The following KALRN variants were observed in gnomAD, a reference collection of about 807,000 sequenced individuals.
The protein encoded by KALRN is kalirin.
In KALRN, 70 loss-of-function variants were observed where a neutral mutation model predicts 353.7. That is an observed-to-expected ratio of 0.20 (90% CI 0.16 to 0.24). KALRN has a LOEUF of 0.24. Among genes scored for constraint, KALRN ranks in the 10% least tolerant of loss-of-function variants. KALRN has a pLI of 1.00. For missense variants in KALRN, 2,791 were observed against 3,756.7 expected, an observed-to-expected ratio of 0.74 and a Z score of 6.72; for synonymous variants, 1,391 against 1,434.8, an observed-to-expected ratio of 0.97 and a Z score of 0.69.
intron 33 of KALRN, among the ~76,000 whole-genome samples, chr3:124,516,867 G>T (rs1448310951): frequency 6.6e-6 from 1 of 152,032 alleles, no homozygotes; most frequent in East Asian, 1.9e-4. Flanking sequence ...ACCCAGGCTG[G>T]AGTGCAGTGG....
intron 11 of KALRN, among the ~76,000 whole-genome samples, chr3:124,390,304 A>G (rs2150007329): frequency 6.6e-6 from 1 of 152,240 alleles, no homozygotes; most frequent in East Asian, 1.9e-4. Context: ...GTCAAGTTAA[A>G]TAAGGAACAT....
intron 18 of KALRN, among the ~76,000 whole-genome samples, chr3:124,441,445 T>C (rs1305294317): frequency 2.0e-5 from 3 of 152,150 alleles, no homozygotes; most frequent in Non-Finnish European, 2.9e-5. Context: ...GCTCCATAAA[T>C]TGGAATTGGA....
intron 34 of KALRN, among the ~76,000 whole-genome samples, chr3:124,587,819 C>T (rs972859714): frequency 1.3e-5 from 2 of 151,150 alleles, no homozygotes; most frequent in African/African-American, 2.4e-5. Flanking sequence ...CTCAGCCTCC[C>T]AAGTGGCTGG....
At chr3:124,478,060 A>T (rs780436888) in intron 27 of KALRN, among the ~76,000 whole-genome samples, 6 of 152,198 alleles carry the variant, frequency 3.9e-5, no homozygotes, top group Non-Finnish European at 7.3e-5. Flanking sequence ...AAATGGTGGG[A>T]TCTATAAAGC....
At chr3:124,452,800 T>G (rs1448814068) in intron 21 of KALRN, among the ~76,000 whole-genome samples, 3 of 152,212 alleles carry the variant, frequency 2.0e-5, no homozygotes, top group Non-Finnish European at 4.4e-5. Context: ...TCACAAACTA[T>G]TTGCTTTGCT....
At position 124,334,251 on chromosome 3, in the gene KALRN, T is replaced by G; in HGVS notation, c.1417-14T>G. On this transcript the variant is annotated splice_polypyrimidine_tract_variant and intron_variant, in intron 8 of 59. Transcript: ENST00000682506. The surrounding 1 kb of genome is among the most constrained non-coding windows in gnomAD (Gnocchi z 4.2). ...ACCCTTTTCCCTTAACTTAAACTTC[T>G]CTCTTTCCTGCAGGTCAGCCAGGAT... 2 of 1,611,480 alleles carry G rather than the reference T, an allele frequency of 1.2e-6. No homozygotes were observed. The highest frequency in any genetic ancestry group is 1.7e-6 in the Non-Finnish European group (2 of 1,177,594).
chr3:124,049,254 G>T (rs991348608), intron 1 of KALRN, among the ~76,000 whole-genome samples: 20 of 152,146 alleles, frequency 1.3e-4, no homozygotes, highest in Non-Finnish European at 8.8e-5. Context: ...ACTTTAGATT[G>T]TGTATGCAAA....
chr3:124,511,967 C>G (rs1309360027), intron 33 of KALRN, among the ~76,000 whole-genome samples: 1 of 152,160 alleles, frequency 6.6e-6, no homozygotes, highest in African/African-American at 2.4e-5. Flanking sequence ...TCACAAGATC[C>G]ATGAACACAG....
intron 5 of KALRN, among the ~76,000 whole-genome samples, chr3:124,274,806 C>G (rs150714381): frequency 6.6e-6 from 1 of 152,130 alleles, no homozygotes; most frequent in African/African-American, 2.4e-5. Flanking sequence ...CCGTGGCTGC[C>G]TAGCCCTGCC....
At chr3:124,514,972 G>A (rs954014699) in intron 33 of KALRN, among the ~76,000 whole-genome samples, 1 of 152,154 alleles carries the variant, frequency 6.6e-6, no homozygotes, top group South Asian at 2.1e-4. Flanking sequence ...TTAGCCATAC[G>A]AATAGCAATT....
At chr3:124,370,226 G>T (rs1214918361) in intron 10 of KALRN, among the ~76,000 whole-genome samples, 1 of 151,750 alleles carries the variant, frequency 6.6e-6, no homozygotes, top group Non-Finnish European at 1.5e-5. Flanking sequence ...TGCCCTTTAA[G>T]ATTTTTTTTA....
At chr3:124,486,096 G>A (rs1425335035) in intron 28 of KALRN, among the ~76,000 whole-genome samples, 1 of 152,128 alleles carries the variant, frequency 6.6e-6, no homozygotes, top group African/African-American at 2.4e-5. Flanking sequence ...CTTTACGTCA[G>A]AGTGCTCAAT....
At chr3:124,413,143 T>C (rs866297397) in intron 13 of KALRN, among the ~76,000 whole-genome samples, 3 of 152,176 alleles carry the variant, frequency 2.0e-5, no homozygotes, top group African/African-American at 7.2e-5. Flanking sequence ...CCTGGAGATC[T>C]CCACCATGCC....
At chr3:124,152,828 G>A (rs1440893112) in intron 1 of KALRN, 7 of 246,290 alleles carry the variant, frequency 2.8e-5, no homozygotes, top group Non-Finnish European at 7.7e-6. Flanking sequence ...TCTTGGCCAA[G>A]CTTGTCTTGA....
intron 1 of KALRN, among the ~76,000 whole-genome samples, chr3:124,221,215 C>T (rs1009178719): frequency 6.6e-6 from 1 of 152,254 alleles, no homozygotes; most frequent in Non-Finnish European, 1.5e-5. Flanking sequence ...CCCTCCCTCT[C>T]TGCCTTGGCA....
At chr3:124,378,071 A>G (rs1325533728) in intron 10 of KALRN, among the ~76,000 whole-genome samples, 1 of 151,990 alleles carries the variant, frequency 6.6e-6, no homozygotes, top group Non-Finnish European at 1.5e-5. Flanking sequence ...GTTTAGATTT[A>G]AATCTATCAC....
intron 5 of KALRN, among the ~76,000 whole-genome samples, chr3:124,276,554 C>T (rs1276097985): frequency 6.6e-6 from 1 of 152,194 alleles, no homozygotes; most frequent in East Asian, 1.9e-4. Context: ...CCCCACACCT[C>T]CAACACCCCC....
At chr3:124,039,465 A>G (rs2039739527) in intron 1 of KALRN, among the ~76,000 whole-genome samples, 1 of 152,252 alleles carries the variant, frequency 6.6e-6, no homozygotes, top group African/African-American at 2.4e-5. Context: ...TTAATCAAAA[A>G]ACACCCCCTC....
chr3:124,167,672 A>G (rs2071091254), intron 1 of KALRN, among the ~76,000 whole-genome samples: 1 of 152,234 alleles, frequency 6.6e-6, no homozygotes, highest in Non-Finnish European at 1.5e-5. Flanking sequence ...CTCTTTGTGG[A>G]CACTATCAAA....
Sources: allele counts gnomAD v4.1 joint callset (sites outside exome capture counted in the v4.1 genomes callset), GRCh38; gene constraint gnomAD v4.1.1; non-coding constraint Gnocchi (gnomAD v3.1); transcripts MANE v1.5; gene names NCBI Gene and HGNC (gene_info 2026-07-23, HGNC 2026-07-21).